DAB1: variants seen among roughly 807,000 people sequenced by gnomAD.
The protein encoded by DAB1 is disabled homolog 1.
In DAB1, 15 loss-of-function variants were observed where a neutral mutation model predicts 64.6. That is an observed-to-expected ratio of 0.23 (90% CI 0.16 to 0.36). The LOEUF (loss-of-function observed/expected upper bound fraction) is 0.36. Ranked by LOEUF, DAB1 falls within the 10% of genes least tolerant of loss-of-function variation. The pLI, the probability that DAB1 is intolerant of heterozygous loss-of-function variation, is 1.00. For synonymous variants in DAB1, 235 were observed against 251.9 expected (o/e 0.93, Z 0.64); for missense variants, 596 against 706.7 (o/e 0.84, Z 1.78).
At chr1:57,489,194 C>A (rs1235842199) in intron 7 of DAB1, among the ~76,000 whole-genome samples, 1 of 152,164 alleles carries the variant, frequency 6.6e-6, no homozygotes, top group Non-Finnish European at 1.5e-5. Context: ...AAGAAGGTAT[C>A]AAGCTTTCAG....
intron 5 of DAB1, among the ~76,000 whole-genome samples, chr1:58,120,441 A>G (rs1570378232): frequency 6.6e-6 from 1 of 152,168 alleles, no homozygotes; most frequent in African/African-American, 2.4e-5. Context: ...CAGTTAGGGG[A>G]CCTTATAAAA....
At chr1:57,800,407 G>A (rs1651068364) in intron 6 of DAB1, among the ~76,000 whole-genome samples, 2 of 152,190 alleles carry the variant, frequency 1.3e-5, no homozygotes, top group East Asian at 3.8e-4. Flanking sequence ...GCTTGCAAGT[G>A]TATCAGTATG....
rs554534675 is a variant in DAB1 at position 57,155,707 on chromosome 1, C to T, written c.68-10278G>A. Among the ~76,000 whole-genome samples, 207 of 147,758 alleles carry T rather than the reference C, an allele frequency of 1.4e-3. 1 individual carries two copies. The highest frequency in any genetic ancestry group is 2.3e-3 in the Non-Finnish European group (152 of 66,980). On this transcript the variant is annotated intron_variant, in intron 2 of 14. Transcript: ENST00000371236. The stretch of plus-strand genomic sequence containing the variant: ...ATTTTTCCATTTTTAGTGTCCTCTT[C>T]AATTTCTTTCATCAGTGTTTTACAG...
chr1:57,429,671 A>C (rs1169114299), intron 7 of DAB1, among the ~76,000 whole-genome samples: 1 of 152,192 alleles, frequency 6.6e-6, no homozygotes, highest in South Asian at 2.1e-4. Context: ...CATATATGGC[A>C]TAATATAAGG....
intron 5 of DAB1, among the ~76,000 whole-genome samples, chr1:57,947,450 G>C (rs1056078695): frequency 2.0e-5 from 3 of 152,018 alleles, no homozygotes; most frequent in African/African-American, 7.2e-5. Flanking sequence ...CTTGTTGCAC[G>C]GGCTGTGAGT....
intron 7 of DAB1, among the ~76,000 whole-genome samples, chr1:57,528,286 C>A (rs1644617297): frequency 6.6e-6 from 1 of 151,862 alleles, no homozygotes; most frequent in South Asian, 2.1e-4. Context: ...TAGAATAAAG[C>A]ATTAGTGAAC....
intron 6 of DAB1, among the ~76,000 whole-genome samples, chr1:57,816,867 G>A (rs933883268): frequency 3.9e-5 from 6 of 152,130 alleles, no homozygotes; most frequent in Admixed American, 6.5e-5. Context: ...ATTATGTACC[G>A]GGTACTGCGC....
intron 7 of DAB1, among the ~76,000 whole-genome samples, chr1:57,496,305 T>C (rs1222861211): frequency 6.6e-6 from 1 of 152,108 alleles, no homozygotes; most frequent in Non-Finnish European, 1.5e-5. Context: ...CAACAGGATC[T>C]GGATGCAAAA....
chr1:58,387,174 T>C (rs1425809446), intron 3 of DAB1, among the ~76,000 whole-genome samples: 1 of 152,176 alleles, frequency 6.6e-6, no homozygotes, highest in African/African-American at 2.4e-5. Flanking sequence ...CCAGCGCAAA[T>C]TGGTGGCAAA....
chr1:57,238,323 G>A (rs1668241905), intron 2 of DAB1, among the ~76,000 whole-genome samples: 1 of 152,218 alleles, frequency 6.6e-6, no homozygotes, highest in South Asian at 2.1e-4. Flanking sequence ...TTAGAGGAAT[G>A]TAGCAAGAGG....
chr1:57,693,450 T>C (rs914920588), intron 6 of DAB1, among the ~76,000 whole-genome samples: 2 of 152,150 alleles, frequency 1.3e-5, no homozygotes, highest in Admixed American at 1.3e-4. Context: ...GCACTCTGTG[T>C]CTAGCTAAAG....
At chr1:57,024,554 T>A (rs920712994) in intron 10 of DAB1, among the ~76,000 whole-genome samples, 1 of 152,180 alleles carries the variant, frequency 6.6e-6, no homozygotes, top group African/African-American at 2.4e-5. Context: ...GCAGGACGAA[T>A]GGCATTGTTC....
At chr1:57,741,251 A>T (rs371950086) in intron 6 of DAB1, among the ~76,000 whole-genome samples, 1 of 152,206 alleles carries the variant, frequency 6.6e-6, no homozygotes, top group Admixed American at 6.5e-5. Context: ...CTATTCCATC[A>T]TTCCACAAAT....
At chr1:57,382,843 A>T (rs553746670) in intron 1 of DAB1, among the ~76,000 whole-genome samples, 13 of 152,146 alleles carry the variant, frequency 8.5e-5, no homozygotes, top group Admixed American at 7.9e-4. Context: ...TAACATCTTC[A>T]TAGGTTCCGA....
intron 6 of DAB1, among the ~76,000 whole-genome samples, chr1:57,714,701 C>A (rs1647065281): frequency 6.6e-6 from 1 of 152,072 alleles, no homozygotes; most frequent in African/African-American, 2.4e-5. Flanking sequence ...GCAAAGGGGA[C>A]CAGATCATAA....
intron 2 of DAB1, among the ~76,000 whole-genome samples, chr1:57,167,639 G>A (rs1002698565): frequency 3.3e-5 from 5 of 151,998 alleles, no homozygotes; most frequent in Admixed American, 1.3e-4. Flanking sequence ...GTTTTACAAC[G>A]GCCAGATTTA....
chr1:57,291,243 G>A, intron 1 of DAB1, 77 bp from the exon 2 acceptor site: 1 of 401,368 alleles, frequency 2.5e-6, no homozygotes, highest in Non-Finnish European at 4.4e-6. Context: ...AAGTGAATTG[G>A]CAAACATATA....
chr1:57,251,461 C>G (rs1177732778), intron 2 of DAB1, among the ~76,000 whole-genome samples: 1 of 152,108 alleles, frequency 6.6e-6, no homozygotes, highest in Non-Finnish European at 1.5e-5. Context: ...AATTGTCTAG[C>G]CTGCTAGAGC....
At chr1:58,051,514 G>A (rs771516662) in intron 5 of DAB1, among the ~76,000 whole-genome samples, 4 of 152,248 alleles carry the variant, frequency 2.6e-5, no homozygotes, top group South Asian at 2.1e-4. Flanking sequence ...ACATACGTGT[G>A]CATGTGTCTT....
Sources: gnomAD v4.1 joint callset for allele counts (sites outside exome capture counted in the v4.1 genomes callset) on GRCh38, gnomAD v4.1.1 for gene constraint, MANE v1.5 for transcripts, NCBI Gene and HGNC (gene_info 2026-07-23, HGNC 2026-07-21) for gene names.